Variants in STARD3NL observed in about 807,000 individuals in gnomAD.
The protein encoded by STARD3NL is STARD3 N-terminal like, also known as STARD3 N-terminal-like protein.
Under a neutral mutation model 30.9 loss-of-function variants are expected in STARD3NL, and 17 were observed. The observed-to-expected ratio is 0.55, with a 90% CI of 0.38 to 0.82. STARD3NL has a LOEUF of 0.82. Among genes scored for constraint, STARD3NL ranks in the 40% least tolerant of loss-of-function variants. The probability of loss-of-function intolerance (pLI) is 0.00; values close to 1 mark genes in which losing one functional copy is unlikely to be tolerated. For missense variants in STARD3NL, 234 were observed against 277.6 expected (o/e 0.84, Z 1.12); for synonymous variants, 112 against 100.5 (o/e 1.11, Z -0.69).
At chr7:38,224,703 G>A (rs1786656851) in intron 7 of STARD3NL, among the ~76,000 whole-genome samples, 1 of 152,150 alleles carries the variant, frequency 6.6e-6, no homozygotes, top group Admixed American at 6.5e-5. Context: ...CACAGTGCTT[G>A]TGTTCAAGTA....
chr7:38,229,664 C>T (rs1338504560), intron 8 of STARD3NL, among the ~76,000 whole-genome samples: 1 of 152,156 alleles, frequency 6.6e-6, no homozygotes, highest in Non-Finnish European at 1.5e-5. Flanking sequence ...GTGCCTGCCT[C>T]CTCAGCCCCC....
intron 1 of STARD3NL, among the ~76,000 whole-genome samples, chr7:38,205,590 ATACCT>A (rs1181725615): frequency 6.6e-6 from 1 of 151,900 alleles, no homozygotes; most frequent in African/African-American, 2.4e-5. Context: ...ACTATTATAG[ATACCT>A]TATGATAAAG....
chr7:38,211,264 T>C (rs6462817), intron 2 of STARD3NL, among the ~76,000 whole-genome samples: 64,799 of 151,912 alleles, frequency 0.43, 14,170 homozygotes, highest in East Asian at 0.5. Context: ...GGTAGATCAG[T>C]GGCTTGGACT....
rs200261021 is a variant in STARD3NL, at chr7:38,219,672, G to A, written c.649+12G>A. Reference sequence around the variant, plus strand: ...TGAATCCGAAGCAGGTAAAAAACTTGATTATTATTTGTGCTTGTATCTCTC... The same window carrying A: ...TGAATCCGAAGCAGGTAAAAAACTTAATTATTATTTGTGCTTGTATCTCTC... On this transcript the variant is annotated intron_variant, in intron 7 of 8. Coordinates refer to ENST00000009041, the MANE Select transcript of STARD3NL (RefSeq NM_032016.4). 17 of 1,606,638 alleles carry A rather than the reference G, an allele frequency of 1.1e-5. No homozygotes were observed. In the East Asian group the frequency reaches 3.4e-4, roughly 32 times the overall value.
chr7:38,216,846 A>G lies in STARD3NL; in HGVS notation c.382-179A>G, dbSNP rs1786149032. 3 of 631,732 alleles carry G rather than the reference A, an allele frequency of 4.7e-6. No homozygotes were observed. The East Asian group carries it at 8.2e-5, about 17-fold the overall frequency. 39.1% of individuals were successfully genotyped at this position (631,732 alleles called of 1,614,324 possible). On this transcript the variant is annotated intron_variant, in intron 4 of 8. Transcript: ENST00000009041. ...GGGATTGTGTCACATGTAGAAGCCCATTTTGCCCCAGTGTGGGTCTAGGGG... is the reference window on the plus strand; with the variant it reads ...GGGATTGTGTCACATGTAGAAGCCCGTTTTGCCCCAGTGTGGGTCTAGGGG...
intron 2 of STARD3NL, 102 bp from the exon 3 acceptor site, chr7:38,214,255 G>A: frequency 1.4e-6 from 1 of 702,174 alleles, no homozygotes; most frequent in South Asian, 1.9e-5. Flanking sequence ...AGCATTTCTG[G>A]GTTCTGAGAA....
At chr7:38,185,638 A>T (rs1199669002) in intron 1 of STARD3NL, among the ~76,000 whole-genome samples, 2 of 152,196 alleles carry the variant, frequency 1.3e-5, no homozygotes, top group Non-Finnish European at 2.9e-5. Context: ...AGGAACACTT[A>T]TCTCCCGCAT....
At chr7:38,209,730 A>G (rs1785690846) in intron 2 of STARD3NL, among the ~76,000 whole-genome samples, 1 of 152,190 alleles carries the variant, frequency 6.6e-6, no homozygotes, top group Admixed American at 6.5e-5. Context: ...GTCATGGGGT[A>G]GAACTGTGGT....
chr7:38,186,632 A>G (rs1784470697), intron 1 of STARD3NL, among the ~76,000 whole-genome samples: 1 of 152,226 alleles, frequency 6.6e-6, no homozygotes, highest in Non-Finnish European at 1.5e-5. Flanking sequence ...TTAGATATGC[A>G]AATACTTCTC....
intron 1 of STARD3NL, among the ~76,000 whole-genome samples, chr7:38,182,710 G>T (rs1045656377): frequency 2.6e-5 from 4 of 152,196 alleles, no homozygotes; most frequent in Admixed American, 2.0e-4. Flanking sequence ...ACTCTGACCA[G>T]GAATCCCTGA....
At chr7:38,201,034 T>C (rs182850367) in intron 1 of STARD3NL, among the ~76,000 whole-genome samples, 2 of 149,938 alleles carry the variant, frequency 1.3e-5, no homozygotes, top group Non-Finnish European at 2.9e-5. Flanking sequence ...CTGAACCATA[T>C]GTTTTCATAA....
At chr7:38,226,270 A>G (rs1786764390) in intron 7 of STARD3NL, among the ~76,000 whole-genome samples, 2 of 147,684 alleles carry the variant, frequency 1.4e-5, no homozygotes, top group Admixed American at 7.0e-5. Context: ...AAAGAGCTAT[A>G]TCTTTATATA....
intron 1 of STARD3NL, among the ~76,000 whole-genome samples, chr7:38,194,209 A>G (rs1583784307): frequency 1.3e-5 from 2 of 152,176 alleles, no homozygotes; most frequent in South Asian, 2.1e-4. Flanking sequence ...GACCTCTTCT[A>G]TAGTGGTACT....
intron 1 of STARD3NL, among the ~76,000 whole-genome samples, chr7:38,178,899 A>T (rs1248412892): frequency 6.6e-6 from 1 of 151,740 alleles, no homozygotes; most frequent in African/African-American, 2.4e-5. Context: ...ACGAATCATG[A>T]ATGTTCTCCC....
At chr7:38,187,364 A>AG (rs1784505585) in intron 1 of STARD3NL, among the ~76,000 whole-genome samples, 2 of 152,220 alleles carry the variant, frequency 1.3e-5, no homozygotes, top group South Asian at 4.1e-4. Context: ...CTAGTGGTGT[A>AG]GTTATTGTCA....
rs1785546752 is a variant in STARD3NL at position 38,207,454 on chromosome 7, C to T, written c.-51C>T. 2 of 1,511,320 alleles carry T rather than the reference C, an allele frequency of 1.3e-6. No homozygotes were observed. Among genetic ancestry groups the T allele is most frequent in the Admixed American group, 3.7e-5 (2 of 53,856 alleles). 93.6% of individuals were successfully genotyped at this position (1,511,320 alleles called of 1,614,324 possible). On this transcript the variant is annotated 5_prime_UTR_variant, in exon 2 of 9. Transcript: ENST00000009041. ...CTTTTTTATTTCCCAAAGGTGTCTT[C>T]TCTTTAGGGATGGTGAGGTTGGAAA...
At chr7:38,212,039 A>G (rs780624691) in intron 2 of STARD3NL, among the ~76,000 whole-genome samples, 2 of 152,000 alleles carry the variant, frequency 1.3e-5, no homozygotes, top group Admixed American at 6.6e-5. Flanking sequence ...CACTCATCCA[A>G]ACTGCACTCC....
At chr7:38,180,035 C>G (rs1784185253) in intron 1 of STARD3NL, among the ~76,000 whole-genome samples, 1 of 152,164 alleles carries the variant, frequency 6.6e-6, no homozygotes, top group African/African-American at 2.4e-5. Context: ...GAGAGGTGTA[C>G]AGGGATTGGA....
intron 1 of STARD3NL, among the ~76,000 whole-genome samples, chr7:38,204,891 A>G (rs1785371549): frequency 6.6e-6 from 1 of 152,178 alleles, no homozygotes; most frequent in Non-Finnish European, 1.5e-5. Flanking sequence ...TCTAGAAGAA[A>G]TGGATAAATT....
Sources: allele counts gnomAD v4.1 joint callset (sites outside exome capture counted in the v4.1 genomes callset), GRCh38; gene constraint gnomAD v4.1.1; transcripts MANE v1.5; gene names NCBI Gene and HGNC (gene_info 2026-07-23, HGNC 2026-07-21).